NCOA7: variants seen among roughly 807,000 people sequenced by gnomAD.
The protein encoded by NCOA7 is 140 kDa estrogen receptor-associated protein.
A neutral mutation model predicts 104.3 loss-of-function variants in NCOA7; 45 were observed. That is an observed-to-expected ratio of 0.43 (90% CI 0.34 to 0.55). The LOEUF is 0.55. Ranked by LOEUF, NCOA7 falls within the 20% of genes least tolerant of loss-of-function variation. The pLI, the probability that NCOA7 is intolerant of heterozygous loss-of-function variation, is 0.02. For missense variants in NCOA7, 1,041 were observed against 1,119.7 expected, an observed-to-expected ratio of 0.93 and a Z score of 1.00; for synonymous variants, 398 against 402.3, an observed-to-expected ratio of 0.99 and a Z score of 0.13.
chr6:125,892,587 T>G (rs1356472584), intron 10 of NCOA7, among the ~76,000 whole-genome samples: 1 of 152,102 alleles, frequency 6.6e-6, no homozygotes, highest in Non-Finnish European at 1.5e-5. Flanking sequence ...GGCACGAGAA[T>G]CGCTTGAACC....
chr6:125,916,882 C>G (rs763725262), intron 11 of NCOA7, among the ~76,000 whole-genome samples: 3 of 152,210 alleles, frequency 2.0e-5, no homozygotes, highest in Non-Finnish European at 4.4e-5. Flanking sequence ...TTCACTCAAT[C>G]TGTAGTTGCT....
intron 2 of NCOA7, among the ~76,000 whole-genome samples, chr6:125,824,751 A>C (rs474385): frequency 0.69 from 104,193 of 151,796 alleles, 36,288 homozygotes; most frequent in East Asian, 0.91. Flanking sequence ...CCTCTCCTCC[A>C]TCTCTTTTTT....
intron 2 of NCOA7, among the ~76,000 whole-genome samples, chr6:125,817,156 A>G (rs1321097882): frequency 6.6e-6 from 1 of 152,148 alleles, no homozygotes. Flanking sequence ...TTAGTCATTT[A>G]CCCATTGAAG....
intron 2 of NCOA7, among the ~76,000 whole-genome samples, chr6:125,850,535 A>G (rs552661894): frequency 6.6e-6 from 1 of 152,308 alleles, no homozygotes; most frequent in South Asian, 2.1e-4. Context: ...GTCTCTAATG[A>G]GATGTCCCCA....
intron 3 of NCOA7, among the ~76,000 whole-genome samples, chr6:125,861,761 G>A (rs1299517825): frequency 1.3e-5 from 2 of 152,186 alleles, no homozygotes; most frequent in African/African-American, 2.4e-5. Context: ...GAGAAGCTGG[G>A]CGTGGTGGCT....
intron 2 of NCOA7, among the ~76,000 whole-genome samples, chr6:125,830,721 T>A (rs1779091503): frequency 7.0e-6 from 1 of 143,032 alleles, no homozygotes; most frequent in African/African-American, 2.6e-5. Flanking sequence ...TCTATATATT[T>A]TATATATATA....
intron 2 of NCOA7, among the ~76,000 whole-genome samples, chr6:125,845,258 A>G (rs1780503200): frequency 6.6e-6 from 1 of 152,192 alleles, no homozygotes; most frequent in African/African-American, 2.4e-5. Context: ...GAGGCAGACC[A>G]GCTCTATCTG....
At chr6:125,884,446 C>T (rs947480311) in intron 7 of NCOA7, among the ~76,000 whole-genome samples, 1 of 152,062 alleles carries the variant, frequency 6.6e-6, no homozygotes, top group African/African-American at 2.4e-5. Context: ...AAATTATTTG[C>T]CTAAAGGAAG....
chr6:125,910,874 AG>A (rs1191771547), intron 10 of NCOA7, among the ~76,000 whole-genome samples: 1 of 152,238 alleles, frequency 6.6e-6, no homozygotes, highest in Non-Finnish European at 1.5e-5. Flanking sequence ...ATAAAGAATG[AG>A]GGAGCTGTCT....
intron 14 of NCOA7, 80 bp downstream of exon 14, chr6:125,927,838 T>C: frequency 2.5e-6 from 3 of 1,180,228 alleles, no homozygotes; most frequent in South Asian, 2.4e-5. Flanking sequence ...TTGGGGCAGC[T>C]AGCTGTCCTG....
intron 10 of NCOA7, among the ~76,000 whole-genome samples, chr6:125,899,056 A>G (rs1327250051): frequency 1.3e-5 from 2 of 152,154 alleles, no homozygotes; most frequent in African/African-American, 2.4e-5. Context: ...TTCCTTAAAA[A>G]TGTGTATTTT....
intron 1 of NCOA7, among the ~76,000 whole-genome samples, chr6:125,804,273 A>T (rs186014258): frequency 6.6e-6 from 1 of 152,300 alleles, no homozygotes; most frequent in African/African-American, 2.4e-5. Flanking sequence ...CTTTCTTTCC[A>T]TGTCTCCTGT....
intron 6 of NCOA7, 44 bp downstream of exon 6, chr6:125,881,247 TC>T (rs1465706425): frequency 7.6e-7 from 1 of 1,308,084 alleles, no homozygotes; most frequent in Admixed American, 1.7e-5. Context: ...TAAAGAGACT[TC>T]TTTTAAGTTG....
chr6:125,898,832 A>T (rs981350090), intron 10 of NCOA7, among the ~76,000 whole-genome samples: 1 of 152,160 alleles, frequency 6.6e-6, no homozygotes, highest in African/African-American at 2.4e-5. Flanking sequence ...TAAATAAAAA[A>T]TGTATTTGTT....
chr6:125,905,387 G>A (rs924560317), intron 10 of NCOA7, among the ~76,000 whole-genome samples: 3 of 151,412 alleles, frequency 2.0e-5, no homozygotes, highest in African/African-American at 7.3e-5. Context: ...CTCCCAAGTA[G>A]CTGGGATTAC....
intron 1 of NCOA7, among the ~76,000 whole-genome samples, chr6:125,814,171 T>C (rs1777351846): frequency 6.6e-6 from 1 of 152,234 alleles, no homozygotes; most frequent in Admixed American, 6.5e-5. Context: ...TAATTTTTTT[T>C]TGAGACAGAG....
intron 1 of NCOA7, among the ~76,000 whole-genome samples, chr6:125,813,369 G>C (rs1294417786): frequency 1.3e-5 from 2 of 152,026 alleles, no homozygotes; most frequent in Admixed American, 6.5e-5. Flanking sequence ...CTTTACCCTG[G>C]AACAGAAGGG....
At chr6:125,850,625 T>C (rs1781034628) in intron 2 of NCOA7, among the ~76,000 whole-genome samples, 1 of 152,184 alleles carries the variant, frequency 6.6e-6, no homozygotes, top group South Asian at 2.1e-4. Context: ...AAGGAGGACA[T>C]TTAAATCAAC....
intron 1 of NCOA7, among the ~76,000 whole-genome samples, chr6:125,795,716 A>T (rs1043303883): frequency 1.3e-5 from 2 of 152,212 alleles, no homozygotes; most frequent in Non-Finnish European, 2.9e-5. Flanking sequence ...CATCATACAC[A>T]GGAAGGAATC....
Sources: gnomAD v4.1 joint callset for allele counts (sites outside exome capture counted in the v4.1 genomes callset) on GRCh38, gnomAD v4.1.1 for gene constraint, MANE v1.5 for transcripts, NCBI Gene and HGNC (gene_info 2026-07-23, HGNC 2026-07-21) for gene names.